TASP1: variants seen among roughly 807,000 people sequenced by gnomAD.
TASP1 encodes the protein taspase 1.
In TASP1, 16 loss-of-function variants were observed where a neutral mutation model predicts 56.6. The observed-to-expected ratio is 0.28, with a 90% confidence interval of 0.19 to 0.43. TASP1 has a LOEUF of 0.43. Ranked by LOEUF, TASP1 falls within the 20% of genes least tolerant of loss-of-function variation. The pLI is 1.00. For missense variants in TASP1, 393 were observed against 511.6 expected (o/e 0.77, Z 2.24); for synonymous variants, 179 against 184.2 (o/e 0.97, Z 0.23).
At chr20:13,507,404 G>A (rs981653269) in intron 10 of TASP1, among the ~76,000 whole-genome samples, 1 of 151,978 alleles carries the variant, frequency 6.6e-6, no homozygotes, top group Non-Finnish European at 1.5e-5. Context: ...ATGGTGGCAC[G>A]TGTCCGTAGT....
intron 13 of TASP1, among the ~76,000 whole-genome samples, chr20:13,416,841 G>C (rs923245999): frequency 6.6e-6 from 1 of 152,186 alleles, no homozygotes; most frequent in East Asian, 1.9e-4. Context: ...AAGCAACTCC[G>C]GAGATAGTAT....
At chr20:13,533,982 T>C in intron 9 of TASP1, 40 bp downstream of exon 9, 2 of 1,572,934 alleles carry the variant, frequency 1.3e-6, no homozygotes, top group African/African-American at 2.7e-5. Flanking sequence ...TTCCATGCTT[T>C]ACTTTGAAAG....
chr20:13,234,043 C>CTGGGCTTTTAG, the TASP1 span, among the ~76,000 whole-genome samples: 28 of 152,198 alleles, frequency 1.8e-4, 1 homozygote, highest in Admixed American at 1.0e-3. Flanking sequence ...GTAGTGAAGT[C>CTGGGCTTTTAG]TGGGCTTTTA....
At chr20:13,410,878 G>T (rs948518804) in intron 13 of TASP1, among the ~76,000 whole-genome samples, 1 of 151,996 alleles carries the variant, frequency 6.6e-6, no homozygotes, top group Non-Finnish European at 1.5e-5. Flanking sequence ...GTGCTTTTGA[G>T]GTCCTGGCCA....
the TASP1 span, among the ~76,000 whole-genome samples, chr20:13,330,377 G>T: frequency 6.6e-5 from 10 of 152,118 alleles, no homozygotes; most frequent in East Asian, 1.9e-3. Context: ...ACATTTCCTA[G>T]CTAAGCCTCA....
intron 12 of TASP1, among the ~76,000 whole-genome samples, chr20:13,427,115 A>G (rs2146129574): frequency 6.6e-6 from 1 of 152,332 alleles, no homozygotes; most frequent in African/African-American, 2.4e-5. Flanking sequence ...AATAAGTGAT[A>G]TTGCTGGTGC....
intron 4 of TASP1, among the ~76,000 whole-genome samples, chr20:13,606,937 T>C (rs1718902369): frequency 6.6e-6 from 1 of 151,986 alleles, no homozygotes; most frequent in African/African-American, 2.4e-5. Context: ...TAATTATAAC[T>C]AGATATAAAC....
intron 13 of TASP1, chr20:13,392,791 C>T: frequency 1.6e-6 from 1 of 617,806 alleles, no homozygotes; most frequent in Non-Finnish European, 3.1e-6. Flanking sequence ...CTTCCTTGAC[C>T]TCAACTACAT....
the TASP1 span, among the ~76,000 whole-genome samples, chr20:13,197,891 G>T: frequency 2.6e-5 from 4 of 152,068 alleles, no homozygotes; most frequent in Non-Finnish European, 4.4e-5. Flanking sequence ...CCTGGTTTTG[G>T]ATATCCTCAC....
the TASP1 span, among the ~76,000 whole-genome samples, chr20:13,369,487 T>C: frequency 2.0e-5 from 3 of 152,168 alleles, no homozygotes; most frequent in African/African-American, 7.2e-5. Context: ...ATGTTGAACA[T>C]TTTAAAAGCC....
chr20:13,409,725 TG>T (rs1156372838), intron 13 of TASP1, among the ~76,000 whole-genome samples: 1 of 152,172 alleles, frequency 6.6e-6, no homozygotes, highest in Non-Finnish European at 1.5e-5. Context: ...TACATATGTA[TG>T]GGATACATGT....
chr20:13,141,322 G>A, the TASP1 span, among the ~76,000 whole-genome samples: 74 of 152,222 alleles, frequency 4.9e-4, no homozygotes, highest in African/African-American at 1.8e-3. Context: ...CTCAAATTCT[G>A]TCTCTTCTCT....
At position 13,634,175 on chromosome 20, in the gene TASP1, T is replaced by A. The variant is rs188056311; in HGVS notation, c.-74-4023A>T. Among the ~76,000 whole-genome samples the A allele has an allele frequency of 3.3e-4, 51 of 152,264 alleles. No individual in the cohort carries two copies. In the East Asian group the frequency reaches 9.5e-3, roughly 28 times the overall value. ...CTGATGATGAATAAACAAAATGTGG[T>A]ATAGTCACACAATGGAACATTATTC... On this transcript the variant is annotated intron_variant, in intron 1 of 13. Coordinates refer to ENST00000337743, the MANE Select transcript of TASP1 (RefSeq NM_017714.3).
intron 13 of TASP1, among the ~76,000 whole-genome samples, chr20:13,406,574 A>G (rs912722326): frequency 2.6e-5 from 4 of 152,060 alleles, no homozygotes; most frequent in Non-Finnish European, 5.9e-5. Context: ...TGTTTCACCA[A>G]TTAGTATGAT....
chr20:13,548,757 T>A (rs2045887846), intron 8 of TASP1, among the ~76,000 whole-genome samples: 1 of 152,192 alleles, frequency 6.6e-6, no homozygotes, highest in Non-Finnish European at 1.5e-5. Flanking sequence ...TCATCTAAAA[T>A]GTTCCATGTT....
intron 10 of TASP1, among the ~76,000 whole-genome samples, chr20:13,525,552 ATAAC>A (rs1292136379): frequency 1.3e-5 from 2 of 152,142 alleles, no homozygotes; most frequent in African/African-American, 4.8e-5. Flanking sequence ...TATCCTAACC[ATAAC>A]TAACTATCTT....
At chr20:13,392,935 G>T in intron 13 of TASP1, 1 of 622,720 alleles carries the variant, frequency 1.6e-6, no homozygotes, top group Non-Finnish European at 3.0e-6. Flanking sequence ...AATCAAATGG[G>T]GCCATGCTGG....
chr20:13,221,758 A>G, the TASP1 span: 7 of 1,425,948 alleles, frequency 4.9e-6, no homozygotes, highest in East Asian at 2.2e-4. Flanking sequence ...CGGGTCCTAA[A>G]GCCGCGCGTC....
chr20:13,160,375 A>C, the TASP1 span, among the ~76,000 whole-genome samples: 1 of 152,236 alleles, frequency 6.6e-6, no homozygotes, highest in Non-Finnish European at 1.5e-5. Context: ...TTTCCTACAA[A>C]AGACTGACTG....
Sources: gnomAD v4.1 joint callset for allele counts (sites outside exome capture counted in the v4.1 genomes callset) on GRCh38, gnomAD v4.1.1 for gene constraint, MANE v1.5 for transcripts, NCBI Gene and HGNC (gene_info 2026-07-23, HGNC 2026-07-21) for gene names.